NFE2L3: variants seen among roughly 807,000 people sequenced by gnomAD.
NFE2L3 encodes nuclear factor erythroid 2-related factor 3.
A neutral mutation model predicts 23.5 loss-of-function variants in NFE2L3; 18 were observed. That is an observed-to-expected ratio of 0.77 (90% CI 0.53 to 1.13). The LOEUF is 1.13. Among genes scored for constraint, NFE2L3 ranks in the 50% most tolerant of loss-of-function variants. The probability of loss-of-function intolerance (pLI) is 0.00; values close to 1 mark genes in which losing one functional copy is unlikely to be tolerated. For synonymous variants in NFE2L3, 424 were observed against 354.5 expected (o/e 1.20, Z -2.20); for missense variants, 1,152 against 877.2 (o/e 1.31, Z -3.96).
chr7:26,166,210 C>T (rs749331562), intron 1 of NFE2L3, among the ~76,000 whole-genome samples: 5 of 152,108 alleles, frequency 3.3e-5, no homozygotes, highest in South Asian at 4.1e-4. Context: ...GCCATGTGGT[C>T]AGGGGCAGAC....
At chr7:26,170,209 A>G (rs973276816) in intron 1 of NFE2L3, among the ~76,000 whole-genome samples, 15 of 152,162 alleles carry the variant, frequency 9.9e-5, no homozygotes, top group Non-Finnish European at 5.9e-5. Context: ...CTGATGTGAC[A>G]TGGTCCCCAG....
intron 1 of NFE2L3, among the ~76,000 whole-genome samples, chr7:26,153,812 A>G (rs1039187684): frequency 6.6e-6 from 1 of 152,206 alleles, no homozygotes; most frequent in Non-Finnish European, 1.5e-5. Flanking sequence ...TGCTTGAAAC[A>G]TCTGGTGCTC....
chr7:26,185,931 A>G lies in NFE2L3; in HGVS notation c.*148A>G. The G allele has an allele frequency of 4.4e-6, 3 of 688,720 alleles. No individual in the cohort carries two copies. Among genetic ancestry groups the G allele is most frequent in the Non-Finnish European group, 4.6e-6 (2 of 431,766 alleles). The allele number at this position is 688,720 out of a possible 1,614,324, so 42.7% of individuals were successfully genotyped here. On this transcript the variant is annotated 3_prime_UTR_variant, in exon 4 of 4. Coordinates refer to ENST00000056233, the MANE Select transcript of NFE2L3 (RefSeq NM_004289.7). ...CAGTTAACGCTGTTTTGAAGCTTAC[A>G]TGGACAAATGTTTAGGACTTCAAGA...
At chr7:26,177,591 TCGAAAGGA>T (rs1784437242) in intron 1 of NFE2L3, among the ~76,000 whole-genome samples, 1 of 151,656 alleles carries the variant, frequency 6.6e-6, no homozygotes, top group African/African-American at 2.4e-5. Flanking sequence ...AGGGAGACCG[TCGAAAGGA>T]GGGAAGGAGG....
intron 1 of NFE2L3, 111 bp from the exon 2 acceptor site, chr7:26,177,832 G>A: frequency 1.1e-6 from 1 of 904,488 alleles, no homozygotes; most frequent in South Asian, 1.7e-5. Flanking sequence ...CTGAAATATT[G>A]AAATGCCGGT....
intron 1 of NFE2L3, among the ~76,000 whole-genome samples, chr7:26,169,806 T>A (rs1216234485): frequency 6.6e-6 from 1 of 152,192 alleles, no homozygotes; most frequent in East Asian, 1.9e-4. Context: ...CCATCCAGAT[T>A]CTTGAGAGTG....
At chr7:26,183,176 A>C (rs535917965) in intron 2 of NFE2L3, among the ~76,000 whole-genome samples, 1 of 152,138 alleles carries the variant, frequency 6.6e-6, no homozygotes, top group African/African-American at 2.4e-5. Context: ...AATTACATGG[A>C]AGTTGTTTAT....
chr7:26,177,595 AAGGAGGGAAGG>A (rs1193135852), intron 1 of NFE2L3, among the ~76,000 whole-genome samples: 2 of 152,256 alleles, frequency 1.3e-5, no homozygotes, highest in South Asian at 2.1e-4. Context: ...AGACCGTCGA[AAGGAGGGAAGG>A]AGGGAGGAAG....
At chr7:26,178,918 A>T (rs567517493) in intron 2 of NFE2L3, among the ~76,000 whole-genome samples, 2 of 152,112 alleles carry the variant, frequency 1.3e-5, no homozygotes, top group African/African-American at 4.8e-5. Context: ...CCCTTCCCAG[A>T]ATGTGGAGTT....
At chr7:26,168,595 C>G (rs1353295300) in intron 1 of NFE2L3, among the ~76,000 whole-genome samples, 1 of 149,644 alleles carries the variant, frequency 6.7e-6, no homozygotes, top group African/African-American at 2.5e-5. Context: ...ATATTTCTAT[C>G]TCACAATTTC....
intron 3 of NFE2L3, 160 bp downstream of exon 3, chr7:26,183,944 C>T: frequency 1.8e-6 from 1 of 560,050 alleles, no homozygotes; most frequent in Non-Finnish European, 3.2e-6. Context: ...GTATAGCATT[C>T]CTCTTTCCAA....
chr7:26,166,839 TC>T (rs1241461058), intron 1 of NFE2L3, among the ~76,000 whole-genome samples: 1 of 152,206 alleles, frequency 6.6e-6, no homozygotes, highest in East Asian at 1.9e-4. Context: ...TCTGACGTCA[TC>T]CTTCTCATAG....
At chr7:26,165,769 A>AT (rs1784240415) in intron 1 of NFE2L3, among the ~76,000 whole-genome samples, 2 of 152,146 alleles carry the variant, frequency 1.3e-5, no homozygotes, top group Admixed American at 1.3e-4. Context: ...ATTCAGTATG[A>AT]TATTGGCTGT....
intron 2 of NFE2L3, among the ~76,000 whole-genome samples, chr7:26,178,857 C>T (rs1784460326): frequency 1.3e-5 from 2 of 152,070 alleles, no homozygotes; most frequent in Admixed American, 1.3e-4. Context: ...GGCATACCCT[C>T]AGGGGTCTTG....
chr7:26,152,218 G>A lies in NFE2L3; in HGVS notation c.-281G>A, dbSNP rs906902854. ...GGGGCGGAGCTTGGCCACCGCGCCG[G>A]GCTGCGGGCGGCTGGGCGAACGGGC... On this transcript the variant is annotated 5_prime_UTR_variant, in exon 1 of 4. Transcript: ENST00000056233. The surrounding 1 kb of genome is among the most constrained non-coding windows in gnomAD (Gnocchi z 4.4). 3.8e-4 allele frequency: 71 copies of A among 184,756 alleles called. No individual in the cohort carries two copies. The highest frequency in any genetic ancestry group is 9.0e-4 in the African/African-American group (38 of 42,394). 11.4% of individuals were successfully genotyped at this position (184,756 alleles called of 1,614,324 possible). A position where few individuals can be genotyped will look rare whatever the true frequency, so the allele number is the denominator to read the frequency against.
At chr7:26,178,354 C>T (rs1784450888) in intron 2 of NFE2L3, among the ~76,000 whole-genome samples, 1 of 152,166 alleles carries the variant, frequency 6.6e-6, no homozygotes, top group Non-Finnish European at 1.5e-5. Context: ...TGTGTATGTG[C>T]ACACACCCCC....
chr7:26,178,252 A>G (rs917979768), intron 2 of NFE2L3, 130 bp downstream of exon 2: 1 of 706,742 alleles, frequency 1.4e-6, no homozygotes, highest in Non-Finnish European at 2.3e-6. Flanking sequence ...ATATATGAAA[A>G]TACCTATGTC....
At chr7:26,183,668 TGTGAAA>T (rs753756557) in intron 2 of NFE2L3, 27 bp from the exon 3 acceptor site, 1 of 1,363,256 alleles carries the variant, frequency 7.3e-7, no homozygotes, top group Non-Finnish European at 1.1e-6. Flanking sequence ...CAGTCTTTTA[TGTGAAA>T]GATGCACTTT....
intron 1 of NFE2L3, among the ~76,000 whole-genome samples, chr7:26,175,796 A>G (rs1248816678): frequency 1.4e-5 from 2 of 146,736 alleles, no homozygotes; most frequent in Non-Finnish European, 3.0e-5. Flanking sequence ...AAAAAAAAAT[A>G]GTTTCCATAT....
Sources: gnomAD v4.1 joint callset for allele counts (sites outside exome capture counted in the v4.1 genomes callset) on GRCh38, gnomAD v4.1.1 for gene constraint, Gnocchi (gnomAD v3.1) non-coding constraint, MANE v1.5 for transcripts, NCBI Gene and HGNC (gene_info 2026-07-23, HGNC 2026-07-21) for gene names.